LRP1B: variants seen among roughly 807,000 people sequenced by gnomAD.
LRP1B encodes low-density lipoprotein receptor-related protein 1B.
Under a neutral mutation model 556.6 loss-of-function variants are expected in LRP1B, and 217 were observed. The ratio of observed to expected loss-of-function variants is 0.39; its 90% CI spans 0.35 to 0.44. LRP1B has a LOEUF of 0.44. LRP1B is among the 20% of genes least tolerant of loss of function. The probability of loss-of-function intolerance (pLI) is 1.00; values close to 1 mark genes in which losing one functional copy is unlikely to be tolerated. For synonymous variants in LRP1B, 2,047 were observed against 1,865.8 expected (o/e 1.10, Z -2.50); for missense variants, 5,053 against 5,620.8 (o/e 0.90, Z 3.23).
intron 7 of LRP1B, among the ~76,000 whole-genome samples, chr2:141,151,454 T>A (rs893909944): frequency 1.3e-5 from 2 of 152,182 alleles, no homozygotes; most frequent in Non-Finnish European, 1.5e-5. Flanking sequence ...ACCACCTATA[T>A]CATACTATCA....
chr2:140,675,622 CA>C (rs539814016), intron 41 of LRP1B, among the ~76,000 whole-genome samples: 91 of 151,536 alleles, frequency 6.0e-4, no homozygotes, highest in Admixed American at 3.9e-3. Flanking sequence ...GTTAAAAAAA[CA>C]AAAAAAATAG....
intron 18 of LRP1B, among the ~76,000 whole-genome samples, chr2:140,969,177 AG>A (rs1442641313): frequency 6.6e-6 from 1 of 152,186 alleles, no homozygotes; most frequent in Non-Finnish European, 1.5e-5. Flanking sequence ...GTCTCTTTGT[AG>A]GTCTCTAAGG....
chr2:140,725,464 C>G (rs1410903468), intron 35 of LRP1B, among the ~76,000 whole-genome samples: 1 of 146,806 alleles, frequency 6.8e-6, no homozygotes, highest in African/African-American at 2.5e-5. Flanking sequence ...AGCGTAAAAA[C>G]TCCAAACTGA....
At chr2:141,614,768 C>T (rs139532424) in intron 2 of LRP1B, among the ~76,000 whole-genome samples, 2 of 152,214 alleles carry the variant, frequency 1.3e-5, no homozygotes, top group Non-Finnish European at 2.9e-5. Context: ...ATCTAAGCAA[C>T]TGACACTCTG....
intron 31 of LRP1B, among the ~76,000 whole-genome samples, chr2:140,814,079 A>G (rs1691022041): frequency 6.6e-6 from 1 of 152,154 alleles, no homozygotes; most frequent in Non-Finnish European, 1.5e-5. Flanking sequence ...GGCTCATGCA[A>G]TCCTCCCATC....
intron 1 of LRP1B, among the ~76,000 whole-genome samples, chr2:141,933,740 C>T (rs1700563549): frequency 6.6e-6 from 1 of 152,052 alleles, no homozygotes; most frequent in African/African-American, 2.4e-5. Flanking sequence ...CAAGTAAAAA[C>T]TCAAGCTAAC....
chr2:141,883,926 T>C (rs990003838), intron 1 of LRP1B, among the ~76,000 whole-genome samples: 3 of 152,226 alleles, frequency 2.0e-5, no homozygotes, highest in South Asian at 2.1e-4. Flanking sequence ...TTTTATCTTA[T>C]GTATATGAAC....
In LRP1B at chr2:140,796,750, C is replaced by A. The variant is rs1240858916; in HGVS notation, c.5359+16907G>T. ...AAGTATGATTTGAAAGCAGAATCAC[C>A]TAAGATATTTAGCATAATTATAGTG... is the stretch of plus-strand genomic sequence containing the variant. On this transcript the variant is annotated intron_variant, in intron 32 of 90. Transcript: ENST00000389484. Among the ~76,000 whole-genome samples the A allele has an allele frequency of 3.9e-5, 6 of 152,106 alleles. No individual in the cohort carries two copies. In the East Asian group the frequency reaches 1.2e-3, roughly 29 times the overall value.
At chr2:140,372,148 G>C (rs1267253537) in intron 69 of LRP1B, among the ~76,000 whole-genome samples, 2 of 151,836 alleles carry the variant, frequency 1.3e-5, no homozygotes, top group South Asian at 4.1e-4. Flanking sequence ...TAATGACTTT[G>C]TAGTCTGAAT....
chr2:141,555,662 T>A (rs115117200), intron 2 of LRP1B, among the ~76,000 whole-genome samples: 1,824 of 152,088 alleles, frequency 0.012, 40 homozygotes, highest in African/African-American at 0.041. Flanking sequence ...TTTGAAAAAT[T>A]GCCTTCATGC....
At chr2:140,432,128 G>A (rs1325037121) in intron 66 of LRP1B, among the ~76,000 whole-genome samples, 1 of 152,024 alleles carries the variant, frequency 6.6e-6, no homozygotes, top group Non-Finnish European at 1.5e-5. Context: ...TGCCTTAACT[G>A]ATGACATTAT....
At chr2:141,929,564 C>T (rs1356862409) in intron 1 of LRP1B, among the ~76,000 whole-genome samples, 1 of 151,894 alleles carries the variant, frequency 6.6e-6, no homozygotes, top group East Asian at 1.9e-4. Flanking sequence ...TTTACTCTTT[C>T]ATGGGAAAAT....
At chr2:140,478,788 A>T (rs1401895345) in intron 59 of LRP1B, among the ~76,000 whole-genome samples, 1 of 152,114 alleles carries the variant, frequency 6.6e-6, no homozygotes, top group African/African-American at 2.4e-5. Context: ...TCACAGGGTC[A>T]CTGTGAGTAT....
At chr2:141,501,914 CT>C (rs10714386) in intron 2 of LRP1B, among the ~76,000 whole-genome samples, 125,610 of 151,254 alleles carry the variant, frequency 0.83, 52,442 homozygotes, top group East Asian at 0.97. Context: ...ACAACTATGG[CT>C]TTTTTTTTTC....
chr2:141,488,904 T>C (rs1683216043), intron 2 of LRP1B, among the ~76,000 whole-genome samples: 1 of 152,068 alleles, frequency 6.6e-6, no homozygotes, highest in Admixed American at 6.6e-5. Flanking sequence ...AACTAAGTTA[T>C]ACATGAAGAT....
chr2:141,296,629 C>T (rs11890978), intron 3 of LRP1B, among the ~76,000 whole-genome samples: 2,681 of 152,282 alleles, frequency 0.018, 74 homozygotes, highest in African/African-American at 0.06. Flanking sequence ...AGATGCTCAA[C>T]ACATGGTTAT....
At chr2:141,794,261 C>A (rs1222617840) in intron 2 of LRP1B, among the ~76,000 whole-genome samples, 1 of 151,844 alleles carries the variant, frequency 6.6e-6, no homozygotes, top group East Asian at 1.9e-4. Context: ...CACATTTTTG[C>A]AGTAAGTAAA....
intron 29 of LRP1B, among the ~76,000 whole-genome samples, chr2:140,842,883 G>A (rs1692152702): frequency 6.6e-6 from 1 of 151,982 alleles, no homozygotes; most frequent in Non-Finnish European, 1.5e-5. Context: ...ACAGAGGATT[G>A]TTATGAATAT....
chr2:141,631,170 A>G (rs910100476), intron 2 of LRP1B, among the ~76,000 whole-genome samples: 2 of 152,110 alleles, frequency 1.3e-5, no homozygotes, highest in African/African-American at 4.8e-5. Context: ...AATGCCCAGC[A>G]AAAAGGGGAA....
Sources: gnomAD v4.1 joint callset for allele counts (sites outside exome capture counted in the v4.1 genomes callset) on GRCh38, gnomAD v4.1.1 for gene constraint, MANE v1.5 for transcripts, NCBI Gene and HGNC (gene_info 2026-07-23, HGNC 2026-07-21) for gene names.